Variants in EPHA2 observed in about 807,000 individuals in gnomAD.
The protein encoded by EPHA2 is EPH receptor A2, also known as ephrin type-A receptor 2.
EPHA2 carries 54 observed loss-of-function variants against 104.9 expected under a neutral mutation model. That is an observed-to-expected ratio of 0.51 (90% CI 0.41 to 0.65). The LOEUF (loss-of-function observed/expected upper bound fraction) is 0.65, where lower values mean the gene tolerates loss of function less well. Ranked by LOEUF, EPHA2 falls within the 30% of genes least tolerant of loss-of-function variation. The pLI, the probability that EPHA2 is intolerant of heterozygous loss-of-function variation, is 0.00. For synonymous variants in EPHA2, 560 were observed against 559.1 expected, an observed-to-expected ratio of 1.00 and a Z score of -0.02; for missense variants, 1,117 against 1,369.5, an observed-to-expected ratio of 0.82 and a Z score of 2.91.
intron 3 of EPHA2, among the ~76,000 whole-genome samples, chr1:16,140,650 G>A (rs1301734814): frequency 1.3e-5 from 2 of 152,052 alleles, no homozygotes; most frequent in African/African-American, 2.4e-5. Flanking sequence ...ATGGAGTCTC[G>A]CTCTGTTGCC....
chr1:16,153,959 G>A (rs978271348), intron 1 of EPHA2, among the ~76,000 whole-genome samples: 1 of 151,852 alleles, frequency 6.6e-6, no homozygotes, highest in Non-Finnish European at 1.5e-5. Context: ...ACTCAGAGTC[G>A]AAGCAAAAAT....
Position 16,150,940 on chromosome 1 carries a change from C to G in EPHA2, c.109G>C (p.Ala37Pro). The G allele has an allele frequency of 6.2e-7, 1 of 1,614,128 alleles. No individual in the cohort carries two copies. The highest frequency in any genetic ancestry group is 8.5e-7 in the Non-Finnish European group (1 of 1,180,020). Residue 37 changes from alanine to proline, a missense_variant, in exon 2 of 17, where the codon GCT becomes CCT. Physicochemically the swap from Ala to Pro is conservative, Grantham distance 27 (BLOSUM62 -1). Coordinates refer to ENST00000358432, the MANE Select transcript of EPHA2 (RefSeq NM_004431.5). The surrounding 1 kb of genome is among the most constrained non-coding windows in gnomAD (Gnocchi z 4.8). ...KEVVLLDFAA[A>P]GGELGWLTHP... Reference sequence around the variant, plus strand: ...GTGAGCCAGCCGAGCTCCCCTCCAGCTGCAGCAAAGTCCAGCAGTACCACT... The same window carrying G: ...GTGAGCCAGCCGAGCTCCCCTCCAGGTGCAGCAAAGTCCAGCAGTACCACT...
chr1:16,142,036 T>C (rs1241533760), intron 3 of EPHA2, among the ~76,000 whole-genome samples: 4 of 152,164 alleles, frequency 2.6e-5, no homozygotes. Flanking sequence ...CCTGGCATTC[T>C]AGGCGGGCAA....
intron 1 of EPHA2, among the ~76,000 whole-genome samples, chr1:16,154,804 A>G (rs2025119395): frequency 6.6e-6 from 1 of 151,022 alleles, no homozygotes; most frequent in Non-Finnish European, 1.5e-5. Flanking sequence ...CACCGGCCCA[A>G]GTTTCCTCCC....
chr1:16,145,962 C>T (rs994696296), intron 3 of EPHA2, among the ~76,000 whole-genome samples: 3 of 152,204 alleles, frequency 2.0e-5, no homozygotes, highest in Non-Finnish European at 2.9e-5. Context: ...GTGTGGATTC[C>T]GCTCGCATGT....
Position 16,129,559 on chromosome 1 carries a change from G to A in EPHA2, c.2700C>T (p.Gly900=). 3.1e-6 allele frequency: 5 copies of A among 1,612,726 alleles called. No individual in the cohort carries two copies. The highest frequency in any genetic ancestry group is 3.4e-6 in the Non-Finnish European group (4 of 1,179,956). The part of the protein sequence containing the change: ...RVSIRLPSTS[G]SEGVPFRTVS... ...CCGTGCGGAAGGGCACCCCCTCCGA[G>A]CCGCTCGTGCTGGGGAGCCGGATAG... The change falls in exon 16 of 17, where the codon GGC becomes GGT. Residue 900 remains glycine, a synonymous_variant. Coordinates refer to ENST00000358432, the MANE Select transcript of EPHA2 (RefSeq NM_004431.5).
chr1:16,125,136 G>T lies in EPHA2; in HGVS notation c.*79C>A. On this transcript the variant is annotated 3_prime_UTR_variant, in exon 17 of 17. Transcript: ENST00000358432. The surrounding 1 kb of genome is among the most constrained non-coding windows in gnomAD (Gnocchi z 4.9). ...CTAGAAATAAATAAAGTCCCCAGTG[G>T]CCCAGCATGGCACAGCAGGGAGGCC... 2 of 1,311,954 alleles carry T rather than the reference G, an allele frequency of 1.5e-6. No individual in the cohort carries two copies. The highest frequency in any genetic ancestry group is 2.2e-6 in the Non-Finnish European group (2 of 920,764). The allele number at this position is 1,311,954 out of a possible 1,614,324, so 81.3% of individuals were successfully genotyped here.
At chr1:16,142,256 A>C (rs1030431931) in intron 3 of EPHA2, among the ~76,000 whole-genome samples, 4 of 152,200 alleles carry the variant, frequency 2.6e-5, no homozygotes, top group Non-Finnish European at 5.9e-5. Context: ...GGCACTTCAT[A>C]CGTGTCTGGC....
In EPHA2 at chr1:16,148,682, G is replaced by T. The variant is rs762853912; in HGVS notation, c.519C>A (p.Leu173=). ...LNVEERSVGP[L]TRKGFYLAFQ... is the part of the protein sequence containing the mutation. ...AGGCCAGGTAGAAGCCTTTGCGGGT[G>T]AGCGGCCCCACGGAGCGCTCCTCCA... The change falls in exon 3 of 17, where the codon CTC becomes CTA. Residue 173 remains leucine (L), a synonymous_variant. Transcript: ENST00000358432. The surrounding 1 kb of genome is among the most constrained non-coding windows in gnomAD (Gnocchi z 4.9). The T allele has an allele frequency of 6.2e-7, 1 of 1,611,378 alleles. No individual in the cohort carries two copies. Among genetic ancestry groups the T allele is most frequent in the Non-Finnish European group, 8.5e-7 (1 of 1,180,032 alleles).
At chr1:16,140,763 C>T (rs777662244) in intron 3 of EPHA2, among the ~76,000 whole-genome samples, 1 of 152,212 alleles carries the variant, frequency 6.6e-6, no homozygotes, top group Non-Finnish European at 1.5e-5. Context: ...GAACTACAGG[C>T]ACCGGCCATC....
rs1373316347 is a variant in EPHA2, at chr1:16,137,938, G to A, written c.1227C>T (p.Thr409=). 4 of 1,614,184 alleles carry A rather than the reference G, an allele frequency of 2.5e-6. No homozygotes were observed. The highest frequency in any genetic ancestry group is 3.4e-6 in the Non-Finnish European group (4 of 1,180,044). The part of the protein sequence containing the change: ...VSDLEPHMNY[T]FTVEARNGVS... Reference sequence around the variant, plus strand: ...CGCCATTGCGGGCCTCCACGGTGAAGGTGTAGTTCATGTGGGGCTCCAGGT... The same window carrying A: ...CGCCATTGCGGGCCTCCACGGTGAAAGTGTAGTTCATGTGGGGCTCCAGGT... Residue 409 remains threonine, a synonymous_variant, in exon 5 of 17, where the codon ACC becomes ACT. Coordinates refer to ENST00000358432, the MANE Select transcript of EPHA2 (RefSeq NM_004431.5).
intron 3 of EPHA2, among the ~76,000 whole-genome samples, chr1:16,141,484 C>T (rs368198496): frequency 3.3e-5 from 5 of 152,262 alleles, no homozygotes; most frequent in African/African-American, 1.2e-4. Flanking sequence ...GTCAGTTCCC[C>T]CAAATGCCCT....
Position 16,133,285 on chromosome 1 carries a change from C to T in EPHA2, c.1948G>A (p.Ala650Thr). 2 of 1,613,922 alleles carry T rather than the reference C, an allele frequency of 1.2e-6. No individual in the cohort carries two copies. The highest frequency in any genetic ancestry group is 1.1e-5 in the South Asian group (1 of 91,088). The change falls in exon 11 of 17, where the codon GCC becomes ACC. Residue 650 changes from alanine (A) to threonine (T), a missense_variant. Around this residue, in one of 3 missense-constraint regions of EPHA2, gnomAD observed 340 missense variants for 480.5 expected, o/e 0.71. Transcript: ENST00000358432. ...EVPVAIKTLKAGYTEKQRVDF... is the reference protein window; with the variant it reads ...EVPVAIKTLKTGYTEKQRVDF... The stretch of plus-strand genomic sequence containing the variant: ...ACTCGCTGCTTCTCTGTGTAGCCGG[C>T]TTTCAGCGTCTTGATGGCCACCGGC...
At chr1:16,152,683 C>G (rs558058477) in intron 1 of EPHA2, among the ~76,000 whole-genome samples, 5 of 152,190 alleles carry the variant, frequency 3.3e-5, no homozygotes, top group Admixed American at 6.5e-5. Context: ...TGCAGCCCCC[C>G]CTTAGATTGA....
Position 16,134,831 on chromosome 1 carries a change from A to G in EPHA2, c.1582+205T>C, listed in dbSNP as rs944491182. On this transcript the variant is annotated intron_variant, in intron 7 of 16. Coordinates refer to ENST00000358432, the MANE Select transcript of EPHA2 (RefSeq NM_004431.5). The surrounding 1 kb of genome is among the most constrained non-coding windows in gnomAD (Gnocchi z 4.5). ...GAACTTCCTCACACCACTGTCGTGA[A>G]TCCACATCCCGGCTCCTCCACCCCT... Among the ~76,000 whole-genome samples, 8 of 152,182 alleles carry G rather than the reference A, an allele frequency of 5.3e-5. No homozygotes were observed. The highest frequency in any genetic ancestry group is 1.2e-4 in the Non-Finnish European group (8 of 68,026).
Position 16,135,521 on chromosome 1 carries a change from C to A in EPHA2, c.1428+134G>T. The A allele has an allele frequency of 1.1e-6, 1 of 880,402 alleles. No individual in the cohort carries two copies. The highest frequency in any genetic ancestry group is 1.4e-5 in the South Asian group (1 of 72,522). The allele number at this position is 880,402 out of a possible 1,614,324, so 54.5% of individuals were successfully genotyped here. ...TTGGGAGATGTAACCCCCTGGCAGA[C>A]CCCAGGCCTCAGTTTCCCCATCTGC... On this transcript the variant is annotated intron_variant, in intron 6 of 16. Transcript: ENST00000358432. This position sits in a 1 kb window ranked among gnomAD's most constrained non-coding sequence, Gnocchi z 4.3.
Position 16,125,987 on chromosome 1 carries a change from G to A in EPHA2, c.2826-667C>T, listed in dbSNP as rs181837532. 7.9e-5 allele frequency among the ~76,000 whole-genome samples: 12 copies of A among 152,296 alleles called. No homozygotes were observed. The highest frequency in any genetic ancestry group is 1.8e-4 in the Non-Finnish European group (12 of 68,016). On this transcript the variant is annotated intron_variant, in intron 16 of 16. Coordinates refer to ENST00000358432, the MANE Select transcript of EPHA2 (RefSeq NM_004431.5). The surrounding 1 kb of genome is among the most constrained non-coding windows in gnomAD (Gnocchi z 4.9). ...GCGAGTCTTCATGGGTGAGGCTTGC[G>A]GGTCACCAGATCCAGTGACTAGGAA...
intron 5 of EPHA2, among the ~76,000 whole-genome samples, chr1:16,136,619 CAAA>C (rs199911531): frequency 9.0e-6 from 1 of 110,564 alleles, no homozygotes; most frequent in Non-Finnish European, 1.9e-5. Context: ...AACTCCGTCT[CAAA>C]AAAAAAGAAG....
rs949680446 is a variant in EPHA2, at chr1:16,128,078, G to A, written c.2825+1356C>T. Among the ~76,000 whole-genome samples, 1 of 152,180 alleles carries A rather than the reference G, an allele frequency of 6.6e-6. No individual in the cohort carries two copies. The highest frequency in any genetic ancestry group is 1.5e-5 in the Non-Finnish European group (1 of 68,034). ...GAGGGGGCATTTGCACAGTGCTAGG[G>A]GAGGAAAGCAAGGGAGTGGAGGAAA... is the stretch of plus-strand genomic sequence containing the variant. On this transcript the variant is annotated intron_variant, in intron 16 of 16. Transcript: ENST00000358432. This position sits in a 1 kb window ranked among gnomAD's most constrained non-coding sequence, Gnocchi z 4.7.
Sources: gnomAD v4.1 joint callset for allele counts (sites outside exome capture counted in the v4.1 genomes callset) on GRCh38, gnomAD v4.1.1 for gene constraint, gnomAD v4.1.1 regional missense constraint, Gnocchi (gnomAD v3.1) non-coding constraint, MANE v1.5 for transcripts, NCBI Gene and HGNC (gene_info 2026-07-23, HGNC 2026-07-21) for gene names.